MDGA2: variants seen among roughly 807,000 people sequenced by gnomAD.
MDGA2 encodes MAM domain containing glycosylphosphatidylinositol anchor 2, also known as MAM domain-containing glycosylphosphatidylinositol anchor protein 2.
Under a neutral mutation model 117.8 loss-of-function variants are expected in MDGA2, and 40 were observed. The observed-to-expected ratio is 0.34, with a 90% CI of 0.26 to 0.44. The LOEUF (loss-of-function observed/expected upper bound fraction) is 0.44, where lower values mean the gene tolerates loss of function less well. Among genes scored for constraint, MDGA2 ranks in the 20% least tolerant of loss-of-function variants. MDGA2 has a pLI of 1.00. For missense variants in MDGA2, 1,123 were observed against 1,250.6 expected (o/e 0.90, Z 1.54); for synonymous variants, 452 against 439.0 (o/e 1.03, Z -0.37).
intron 1 of MDGA2, among the ~76,000 whole-genome samples, chr14:47,573,466 G>A (rs1366334829): frequency 3.3e-5 from 5 of 152,090 alleles, no homozygotes; most frequent in East Asian, 1.9e-4. Context: ...TAGACAGCAC[G>A]TTTTTTCACA....
rs1196844904 is a variant in MDGA2, at chr14:47,249,166, C to A, written c.421-30971G>T. The stretch of plus-strand genomic sequence containing the variant: ...CCGAGTAGATGGGACTACAGGCACG[C>A]ACCACCATGCCCAGCTAATTTTTGT... On this transcript the variant is annotated intron_variant, in intron 2 of 16. Coordinates refer to ENST00000399232, the MANE Select transcript of MDGA2 (RefSeq NM_001113498.3). Among the ~76,000 whole-genome samples the A allele has an allele frequency of 2.0e-5, 3 of 151,790 alleles. No individual in the cohort carries two copies. In the East Asian group the frequency reaches 5.8e-4, roughly 29 times the overall value.
rs575951731 is a variant in MDGA2 at position 47,444,455 on chromosome 14, T to C, written c.281-142905A>G. 2.8e-4 allele frequency: 56 copies of C among 196,920 alleles called. No homozygotes were observed. In the South Asian group the frequency reaches 5.7e-3, roughly 20 times the overall value. 12.2% of individuals were successfully genotyped at this position (196,920 alleles called of 1,614,324 possible). On this transcript the variant is annotated intron_variant, in intron 1 of 16. Coordinates refer to ENST00000399232, the MANE Select transcript of MDGA2 (RefSeq NM_001113498.3). Reference sequence around the variant, plus strand: ...TTGCCTCTCTTTTTAGCATTGTTATTGCTCTTGAGAGCATCAGCCAGGACA... The same window carrying C: ...TTGCCTCTCTTTTTAGCATTGTTATCGCTCTTGAGAGCATCAGCCAGGACA...
chr14:47,451,784 T>G (rs1893246552), intron 1 of MDGA2, among the ~76,000 whole-genome samples: 1 of 152,082 alleles, frequency 6.6e-6, no homozygotes, highest in African/African-American at 2.4e-5. Context: ...AATGTAGTAA[T>G]ATATGTTACA....
chr14:47,644,968 C>A lies in MDGA2; in HGVS notation c.280+29549G>T, dbSNP rs894220137. 7.4e-4 allele frequency among the ~76,000 whole-genome samples: 113 copies of A among 151,996 alleles called. 3 individuals carry two copies. The highest frequency in any genetic ancestry group is 3.5e-4 in the Non-Finnish European group (24 of 68,010). ...TGGTTTTGGAAAAGAAGGAAGGGGC[C>A]ATGAGCTAAGGAATGCAGGCAGCCA... On this transcript the variant is annotated intron_variant, in intron 1 of 16. Transcript: ENST00000399232.
intron 3 of MDGA2, among the ~76,000 whole-genome samples, chr14:47,180,589 T>C (rs550007710): frequency 3.3e-5 from 5 of 152,200 alleles, no homozygotes; most frequent in Admixed American, 3.3e-4. Flanking sequence ...TCAACATCAC[T>C]GATCACTAGA....
chr14:46,930,206 T>G (rs891852344), intron 9 of MDGA2, among the ~76,000 whole-genome samples: 7 of 152,144 alleles, frequency 4.6e-5, no homozygotes, highest in Non-Finnish European at 8.8e-5. Flanking sequence ...CAAAGTTTAA[T>G]AAAGTTTAAC....
At chr14:47,503,310 T>TAA (rs34858743) in intron 1 of MDGA2, among the ~76,000 whole-genome samples, 10 of 142,152 alleles carry the variant, frequency 7.0e-5, no homozygotes, top group Middle Eastern at 3.8e-3. Flanking sequence ...TTAGGTATCA[T>TAA]AAAAAAAAAA....
intron 1 of MDGA2, among the ~76,000 whole-genome samples, chr14:47,352,168 C>T (rs1254017669): frequency 6.6e-6 from 1 of 152,090 alleles, no homozygotes; most frequent in Non-Finnish European, 1.5e-5. Context: ...ACCCATCAGC[C>T]TCAGCAACTT....
chr14:47,610,967 A>G (rs1896837041), intron 1 of MDGA2, among the ~76,000 whole-genome samples: 1 of 152,178 alleles, frequency 6.6e-6, no homozygotes, highest in African/African-American at 2.4e-5. Context: ...CTATACTATA[A>G]GGCCACAGTC....
chr14:47,161,987 C>T (rs1197610492), intron 3 of MDGA2, among the ~76,000 whole-genome samples: 1 of 96,248 alleles, frequency 1.0e-5, no homozygotes, highest in Non-Finnish European at 1.9e-5. Flanking sequence ...GTTCTGTTAT[C>T]CAGGCTGGAG....
At chr14:47,189,296 A>G (rs1046374752) in intron 3 of MDGA2, among the ~76,000 whole-genome samples, 2 of 152,068 alleles carry the variant, frequency 1.3e-5, no homozygotes, top group Non-Finnish European at 2.9e-5. Flanking sequence ...CGGTGCTGCT[A>G]CTGCAATCCC....
chr14:47,545,819 G>T (rs546010647), intron 1 of MDGA2, among the ~76,000 whole-genome samples: 2 of 152,108 alleles, frequency 1.3e-5, no homozygotes, highest in African/African-American at 4.8e-5. Context: ...GTGTGGGGGC[G>T]TGAAAGCAAT....
At chr14:46,894,568 G>A (rs1883006423) in intron 10 of MDGA2, among the ~76,000 whole-genome samples, 1 of 152,146 alleles carries the variant, frequency 6.6e-6, no homozygotes, top group South Asian at 2.1e-4. Context: ...GACAGTTAAA[G>A]TGAATTCTGA....
At chr14:47,141,829 A>G (rs1000855258) in intron 4 of MDGA2, among the ~76,000 whole-genome samples, 1 of 152,170 alleles carries the variant, frequency 6.6e-6, no homozygotes, top group African/African-American at 2.4e-5. Flanking sequence ...ATTTAACAAT[A>G]TTGTATTGTA....
chr14:47,504,791 C>T (rs979799669), intron 1 of MDGA2, among the ~76,000 whole-genome samples: 1 of 152,066 alleles, frequency 6.6e-6, no homozygotes, highest in Non-Finnish European at 1.5e-5. Flanking sequence ...TACGGAAGTT[C>T]CACACAAAAC....
At chr14:47,221,348 CAATT>C (rs1555364463) in intron 2 of MDGA2, among the ~76,000 whole-genome samples, 1 of 151,868 alleles carries the variant, frequency 6.6e-6, no homozygotes. Flanking sequence ...GCATAAATGT[CAATT>C]AAAGTATCAC....
At chr14:47,436,575 G>A (rs759826952) in intron 1 of MDGA2, among the ~76,000 whole-genome samples, 1 of 152,012 alleles carries the variant, frequency 6.6e-6, no homozygotes, top group African/African-American at 2.4e-5. Context: ...GGAAACCATA[G>A]AAAGTACCCT....
chr14:47,166,996 C>G (rs1001826434), intron 3 of MDGA2, among the ~76,000 whole-genome samples: 8 of 152,122 alleles, frequency 5.3e-5, no homozygotes, highest in Admixed American at 3.9e-4. Flanking sequence ...CAGTTGCCAT[C>G]TCTGGTCTGG....
In MDGA2 at chr14:47,636,207, A is replaced by G. The variant is rs374355892; in HGVS notation, c.280+38310T>C. On this transcript the variant is annotated intron_variant, in intron 1 of 16. Transcript: ENST00000399232. ...GATCCCCCCAGACTCAAAAACTCCTAAAACACATATATCTTCATAAGGTAT... is the reference window on the plus strand; with the variant it reads ...GATCCCCCCAGACTCAAAAACTCCTGAAACACATATATCTTCATAAGGTAT... 6.6e-4 allele frequency among the ~76,000 whole-genome samples: 100 copies of G among 152,300 alleles called. No individual in the cohort carries two copies. The South Asian group carries it at 0.02, about 31-fold the overall frequency.
Sources: gnomAD v4.1 joint callset for allele counts (sites outside exome capture counted in the v4.1 genomes callset) on GRCh38, gnomAD v4.1.1 for gene constraint, MANE v1.5 for transcripts, NCBI Gene and HGNC (gene_info 2026-07-23, HGNC 2026-07-21) for gene names.